The following USO1 variants were observed in gnomAD, a reference collection of about 807,000 sequenced individuals.
USO1 encodes the protein general vesicular transport factor p115.
Under a neutral mutation model 124.5 loss-of-function variants are expected in USO1, and 57 were observed. That is an observed-to-expected ratio of 0.46 (90% CI 0.37 to 0.57). The LOEUF (loss-of-function observed/expected upper bound fraction) is 0.57, where lower values mean the gene tolerates loss of function less well. Ranked by LOEUF, USO1 falls within the 20% of genes least tolerant of loss-of-function variation. The pLI, the probability that USO1 is intolerant of heterozygous loss-of-function variation, is 0.00. For missense variants in USO1, 900 were observed against 1,040.6 expected, an observed-to-expected ratio of 0.86 and a Z score of 1.86; for synonymous variants, 369 against 362.8, an observed-to-expected ratio of 1.02 and a Z score of -0.19.
chr4:75,789,405 G>A (rs890803295), intron 10 of USO1, among the ~76,000 whole-genome samples: 1 of 152,146 alleles, frequency 6.6e-6, no homozygotes. Context: ...AGCCTCACAA[G>A]TAATGGGGAT....
intron 4 of USO1, among the ~76,000 whole-genome samples, chr4:75,767,108 T>C (rs753815396): frequency 3.9e-5 from 6 of 152,174 alleles, no homozygotes; most frequent in Non-Finnish European, 7.3e-5. Flanking sequence ...CTTTGTCTCC[T>C]TCGCAGTTTT....
At chr4:75,745,215 T>C in intron 1 of USO1, 1 of 303,004 alleles carries the variant, frequency 3.3e-6, no homozygotes, top group Non-Finnish European at 6.4e-6. Flanking sequence ...TTCTTTTTTA[T>C]ATATATATAT....
At chr4:75,764,654 T>G (rs1721713103) in intron 4 of USO1, among the ~76,000 whole-genome samples, 1 of 152,246 alleles carries the variant, frequency 6.6e-6, no homozygotes, top group Non-Finnish European at 1.5e-5. Context: ...TTATAATTTT[T>G]AATGTTTTCC....
intron 14 of USO1, 49 bp downstream of exon 14, chr4:75,799,781 T>C (rs754028934): frequency 6.3e-7 from 1 of 1,599,814 alleles, no homozygotes; most frequent in Non-Finnish European, 8.5e-7. Flanking sequence ...ATATCTTTTT[T>C]AGTTTTTCTC....
chr4:75,749,010 TATATA>T (rs1302041227), intron 1 of USO1, among the ~76,000 whole-genome samples: 1 of 151,958 alleles, frequency 6.6e-6, no homozygotes, highest in African/African-American at 2.4e-5. Flanking sequence ...GTCAACCAGT[TATATA>T]ATAAAGAGAA....
In USO1 at chr4:75,724,738, G is replaced by A; in HGVS notation, c.-82G>A. The A allele has an allele frequency of 1.4e-6, 2 of 1,455,636 alleles. No individual in the cohort carries two copies. The highest frequency in any genetic ancestry group is 1.9e-6 in the Non-Finnish European group (2 of 1,053,006). 90.2% of individuals were successfully genotyped at this position (1,455,636 alleles called of 1,614,324 possible). On this transcript the variant is annotated 5_prime_UTR_variant, in exon 1 of 24. Coordinates refer to ENST00000514213, the MANE Select transcript of USO1 (RefSeq NM_003715.4). Reference sequence around the variant, plus strand: ...AGGAGTGTGTAGAGTGCGGGATTGGGGCCCAGGCCCTGCGGAGGGCGGGGG... The same window carrying A: ...AGGAGTGTGTAGAGTGCGGGATTGGAGCCCAGGCCCTGCGGAGGGCGGGGG...
intron 1 of USO1, among the ~76,000 whole-genome samples, chr4:75,732,143 ACT>A (rs150487251): frequency 4.6e-4 from 69 of 151,330 alleles, no homozygotes; most frequent in Non-Finnish European, 7.5e-4. Context: ...TAGTTTCTTA[ACT>A]CTCGCCCCCT....
intron 1 of USO1, among the ~76,000 whole-genome samples, chr4:75,734,773 G>C (rs1285232784): frequency 9.0e-6 from 1 of 110,628 alleles, no homozygotes; most frequent in Non-Finnish European, 1.7e-5. Flanking sequence ...CTGTTGCCCA[G>C]GCTGGGGTGC....
chr4:75,809,183 T>G, intron 21 of USO1, 132 bp downstream of exon 21: 1 of 1,052,108 alleles, frequency 9.5e-7, no homozygotes, highest in East Asian at 3.0e-5. Flanking sequence ...GCCGGTATTC[T>G]AGTAACATAG....
At chr4:75,764,209 A>G (rs750614943) in intron 4 of USO1, among the ~76,000 whole-genome samples, 18 of 152,172 alleles carry the variant, frequency 1.2e-4, no homozygotes, top group Non-Finnish European at 2.4e-4. Context: ...ACTTCTTCCT[A>G]AGTTATTTGC....
chr4:75,793,850 T>C lies in USO1; in HGVS notation c.1401T>C (p.Ile467=), dbSNP rs767162440. ...QLLRVQLATS[I]GNPPVSLLQQ... is the part of the protein sequence containing the mutation. ...TCAGGGTTCAACTTGCTACAAGTAT[T>C]GGCAACCCTCCAGTTTCTTTACTTC... The change falls in exon 13 of 24, where the codon ATT becomes ATC. Residue 467 remains isoleucine (I), a synonymous_variant. Transcript: ENST00000514213. 5 of 1,613,882 alleles carry C rather than the reference T, an allele frequency of 3.1e-6. No individual in the cohort carries two copies. The South Asian group carries it at 4.4e-5, about 14-fold the overall frequency.
intron 1 of USO1, among the ~76,000 whole-genome samples, chr4:75,730,864 G>A (rs1720612466): frequency 6.6e-6 from 1 of 151,844 alleles, no homozygotes; most frequent in African/African-American, 2.4e-5. Context: ...GCCCAGGCTG[G>A]TCTTGAACTC....
chr4:75,731,691 C>A (rs1191583411), intron 1 of USO1, among the ~76,000 whole-genome samples: 2 of 152,018 alleles, frequency 1.3e-5, no homozygotes, highest in African/African-American at 4.8e-5. Flanking sequence ...TAGGAAGGTA[C>A]AACTATGTTT....
intron 1 of USO1, among the ~76,000 whole-genome samples, chr4:75,747,099 T>G (rs1721146723): frequency 6.6e-6 from 1 of 152,164 alleles, no homozygotes; most frequent in Non-Finnish European, 1.5e-5. Context: ...GGATTTAGGT[T>G]TATATGCTAA....
intron 1 of USO1, among the ~76,000 whole-genome samples, chr4:75,728,782 G>A (rs1289052898): frequency 6.6e-6 from 1 of 152,086 alleles, no homozygotes; most frequent in Non-Finnish European, 1.5e-5. Flanking sequence ...TTAGAGTCAT[G>A]TACTTTTGTT....
chr4:75,770,809 T>C lies in USO1; in HGVS notation c.397-13T>C, dbSNP rs766412008. The C allele has an allele frequency of 6.3e-6, 10 of 1,589,668 alleles. No homozygotes were observed. Among genetic ancestry groups the C allele is most frequent in the Non-Finnish European group, 8.5e-6 (10 of 1,174,030 alleles). On this transcript the variant is annotated splice_polypyrimidine_tract_variant and intron_variant, in intron 5 of 23. Transcript: ENST00000514213. ...ATTACAGATGTTAAATATTTTGAAT[T>C]CTTACATTGCAGGAGTTTGATTTCC...
rs1168867235 is a variant in USO1 at position 75,724,759 on chromosome 4, G to A, written c.-61G>A. The A allele has an allele frequency of 2.5e-6, 4 of 1,570,472 alleles. No individual in the cohort carries two copies. Among genetic ancestry groups the A allele is most frequent in the South Asian group, 1.1e-5 (1 of 89,030 alleles). On this transcript the variant is annotated 5_prime_UTR_variant, in exon 1 of 24. Coordinates refer to ENST00000514213, the MANE Select transcript of USO1 (RefSeq NM_003715.4). ...TTGGGGCCCAGGCCCTGCGGAGGGC[G>A]GGGGAAGTTGTCTTCTTTTTTTTCC...
Position 75,782,869 on chromosome 4 carries a change from C to G in USO1, c.855+11C>G, listed in dbSNP as rs1722260432. 3.2e-6 allele frequency: 5 copies of G among 1,555,014 alleles called. No homozygotes were observed. Among genetic ancestry groups the G allele is most frequent in the Non-Finnish European group, 4.3e-6 (5 of 1,161,586 alleles). ...CATCTAATGCTACAGGTATACTATC[C>G]TTAGACATAAATGTGGTAAGAATTT... On this transcript the variant is annotated intron_variant, in intron 9 of 23. Transcript: ENST00000514213.
At chr4:75,798,049 C>G (rs1181412921) in intron 13 of USO1, among the ~76,000 whole-genome samples, 2 of 151,974 alleles carry the variant, frequency 1.3e-5, no homozygotes, top group Non-Finnish European at 2.9e-5. Flanking sequence ...TTAAAATTTT[C>G]CTTGTTTAGA....
Sources: allele counts gnomAD v4.1 joint callset (sites outside exome capture counted in the v4.1 genomes callset), GRCh38; gene constraint gnomAD v4.1.1; transcripts MANE v1.5; gene names NCBI Gene and HGNC (gene_info 2026-07-23, HGNC 2026-07-21).